THTPA: variants seen among roughly 807,000 people sequenced by gnomAD.
THTPA encodes the protein thiamine triphosphatase.
In THTPA, 16 loss-of-function variants were observed where a neutral mutation model predicts 16.5. The observed-to-expected ratio is 0.97, with a 90% CI of 0.66 to 1.47. THTPA has a LOEUF of 1.47. Ranked by LOEUF, THTPA falls within the 40% of genes most tolerant of loss-of-function variation. The pLI is 0.00. For missense variants in THTPA, 281 were observed against 280.9 expected (o/e 1.00, Z 0.00); for synonymous variants, 110 against 115.5 (o/e 0.95, Z 0.30).
chr14:23,547,217 C>T, the THTPA span, among the ~76,000 whole-genome samples: 12 of 152,364 alleles, frequency 7.9e-5, no homozygotes, highest in South Asian at 2.5e-3. Flanking sequence ...ATCTGGGCAG[C>T]AGTAACTTCT....
chr14:23,557,188 T>C lies in THTPA; in HGVS notation c.431T>C (p.Val144Ala), dbSNP rs746239192. 1 of 1,613,944 alleles carries C rather than the reference T, an allele frequency of 6.2e-7. No homozygotes were observed. Among genetic ancestry groups the C allele is most frequent in the Non-Finnish European group, 8.5e-7 (1 of 1,179,974 alleles). ...GATGAAGAGGAGCCACAGCTCAGGGTGGACTTGGATACAGCCGACTTTGGC... is the reference window on the plus strand; with the variant it reads ...GATGAAGAGGAGCCACAGCTCAGGGCGGACTTGGATACAGCCGACTTTGGC... ...GADEEEPQLR[V>A]DLDTADFGYA... Residue 144 changes from valine to alanine, a missense_variant, in exon 1 of 2, where the codon GTG (valine) becomes GCG (alanine). By Grantham distance (64) the Val-to-Ala change is moderately conservative. Coordinates refer to ENST00000288014, the MANE Select transcript of THTPA (RefSeq NM_024328.6).
In THTPA at chr14:23,556,841, C is replaced by A. The variant is rs1029076455; in HGVS notation, c.84C>A (p.Thr28=). Residue 28 remains threonine, a synonymous_variant, in exon 1 of 2, where the codon ACC becomes ACA. Transcript: ENST00000288014. ...AGCGGCTGCAGGAGTTGGGGGGCACCCTGGAGTACCGGGTCACCTTCCGAG... is the reference window on the plus strand; with the variant it reads ...AGCGGCTGCAGGAGTTGGGGGGCACACTGGAGTACCGGGTCACCTTCCGAG... ...TEERLQELGG[T]LEYRVTFRDT... The A allele has an allele frequency of 3.1e-6, 5 of 1,613,050 alleles. No homozygotes were observed. The highest frequency in any genetic ancestry group is 4.2e-6 in the Non-Finnish European group (5 of 1,179,548).
chr14:23,552,679 G>A (rs1882066838), upstream of THTPA, among the ~76,000 whole-genome samples: 5 of 151,888 alleles, frequency 3.3e-5, no homozygotes, highest in African/African-American at 1.2e-4. Flanking sequence ...CCGGCTCACT[G>A]CAACCTTCAC....
chr14:23,530,542 G>T, the THTPA span: 2 of 488,232 alleles, frequency 4.1e-6, no homozygotes, highest in Non-Finnish European at 7.7e-6. Context: ...AGTAGGAGGG[G>T]CACTGAAGAA....
chr14:23,556,449 G>GTATCA lies in THTPA; in HGVS notation c.-308_-307insATCAT. On this transcript the variant is annotated 5_prime_UTR_variant, in exon 1 of 2. Transcript: ENST00000288014. ...GGTGGCAAGGTGTAGAGAGGGGGGC[G>GTATCA]TTGAAAGGACACCCGCTACCCGGCC... The GTATCA allele has an allele frequency of 2.9e-6, 1 of 343,050 alleles. No homozygotes were observed. Among genetic ancestry groups the GTATCA allele is most frequent in the Admixed American group, 4.5e-5 (1 of 22,376 alleles). 21.3% of individuals were successfully genotyped at this position (343,050 alleles called of 1,614,324 possible). A position where few individuals can be genotyped will look rare whatever the true frequency, so the allele number is the denominator to read the frequency against.
At chr14:23,548,127 A>G in the THTPA span, among the ~76,000 whole-genome samples, 2 of 150,734 alleles carry the variant, frequency 1.3e-5, no homozygotes, top group Admixed American at 1.3e-4. Flanking sequence ...ACTTTCAACA[A>G]CTCTCCTCCC....
chr14:23,524,357 G>C, the THTPA span: 1 of 1,536,274 alleles, frequency 6.5e-7, no homozygotes, highest in Non-Finnish European at 8.7e-7. This position sits in a 1 kb window ranked among gnomAD's most constrained non-coding sequence, Gnocchi z 5.6. Context: ...CAAGATGGTG[G>C]TGCGCAGGCG....
chr14:23,529,697 C>T, the THTPA span: 89 of 1,535,768 alleles, frequency 5.8e-5, no homozygotes, highest in Middle Eastern at 8.3e-4. Flanking sequence ...TTCCCAGTTA[C>T]CCCAATTCTG....
the THTPA span, among the ~76,000 whole-genome samples, chr14:23,540,238 G>A: frequency 1.3e-5 from 2 of 152,126 alleles, no homozygotes; most frequent in African/African-American, 2.4e-5. Flanking sequence ...CAATCTGCCC[G>A]CTTTGGCCTC....
rs143788298 is a variant in THTPA at position 23,559,984 on chromosome 14, C to T, written c.*1144C>T. ...GAAGAGCTGGGTGATAGGAAGGCCA[C>T]CCCGAGCTGGAACTGTGTTCCCACT... is the stretch of plus-strand genomic sequence containing the variant. On this transcript the variant is annotated 3_prime_UTR_variant, in exon 2 of 2. Transcript: ENST00000288014. The T allele has an allele frequency of 1.8e-5, 29 of 1,613,222 alleles. No homozygotes were observed. The highest frequency in any genetic ancestry group is 1.5e-4 in the Admixed American group (9 of 59,938).
At chr14:23,518,162 GTGTT>G in the THTPA span, among the ~76,000 whole-genome samples, 5 of 152,152 alleles carry the variant, frequency 3.3e-5, no homozygotes, top group East Asian at 1.9e-4. This position sits in a 1 kb window ranked among gnomAD's most constrained non-coding sequence, Gnocchi z 4.5. Context: ...TTCTGAGGGT[GTGTT>G]TGTTTGTTTC....
chr14:23,528,600 G>GAC, the THTPA span: 1 of 985,376 alleles, frequency 1.0e-6, no homozygotes, highest in Non-Finnish European at 1.2e-6. Flanking sequence ...CTCTGCCTCT[G>GAC]TGAACCATCA....
At chr14:23,522,640 G>T in the THTPA span, 1 of 1,536,016 alleles carries the variant, frequency 6.5e-7, no homozygotes, top group Non-Finnish European at 8.7e-7. Context: ...GCAATGGAAA[G>T]GGCAGGAACT....
chr14:23,530,207 G>A, the THTPA span: 1 of 1,522,046 alleles, frequency 6.6e-7, no homozygotes, highest in Non-Finnish European at 8.8e-7. Flanking sequence ...GTGTAGGATG[G>A]GGGGAGAGTC....
the THTPA span, chr14:23,532,417 A>G: frequency 1.1e-6 from 1 of 918,572 alleles, no homozygotes; most frequent in Non-Finnish European, 1.5e-6. Flanking sequence ...TCACTTTGTT[A>G]CCCTGGTACA....
At chr14:23,531,199 C>T in the THTPA span, 1 of 315,306 alleles carries the variant, frequency 3.2e-6, no homozygotes, top group Non-Finnish European at 5.7e-6. Context: ...GGACACTAGT[C>T]ACTACTCAGA....
At chr14:23,548,411 T>C in the THTPA span, 2 of 152,140 alleles carry the variant, frequency 1.3e-5, no homozygotes, top group Non-Finnish European at 2.9e-5. Flanking sequence ...CCCTGGCCCG[T>C]AGGTGATACA....
At chr14:23,545,048 A>G in the THTPA span, among the ~76,000 whole-genome samples, 1 of 150,800 alleles carries the variant, frequency 6.6e-6, no homozygotes, top group Non-Finnish European at 1.5e-5. Flanking sequence ...TTTCTCCTCT[A>G]GTCAATTTGT....
At chr14:23,545,889 C>T in the THTPA span, among the ~76,000 whole-genome samples, 10 of 152,326 alleles carry the variant, frequency 6.6e-5, no homozygotes, top group Admixed American at 2.0e-4. Flanking sequence ...ATGGAAATGG[C>T]GTTTACCCCA....
Sources: gnomAD v4.1 joint callset for allele counts (sites outside exome capture counted in the v4.1 genomes callset) on GRCh38, gnomAD v4.1.1 for gene constraint, Gnocchi (gnomAD v3.1) non-coding constraint, MANE v1.5 for transcripts, NCBI Gene and HGNC (gene_info 2026-07-23, HGNC 2026-07-21) for gene names.